Variants in GRIK4 observed in about 807,000 individuals in gnomAD.
The protein encoded by GRIK4 is glutamate ionotropic receptor kainate type subunit 4, also known as glutamate receptor ionotropic, kainate 4.
In GRIK4, 40 loss-of-function variants were observed where a neutral mutation model predicts 104.9. The observed-to-expected ratio is 0.38, with a 90% CI of 0.30 to 0.50. The LOEUF is 0.50. Among genes scored for constraint, GRIK4 ranks in the 20% least tolerant of loss-of-function variants. GRIK4 has a pLI of 0.93. For synonymous variants in GRIK4, 485 were observed against 524.9 expected (o/e 0.92, Z 1.04); for missense variants, 1,047 against 1,308.1 (o/e 0.80, Z 3.08).
chr11:120,850,862 G>A (rs1233854924), intron 8 of GRIK4, among the ~76,000 whole-genome samples: 1 of 150,302 alleles, frequency 6.7e-6, no homozygotes, highest in Non-Finnish European at 1.5e-5. Flanking sequence ...TGTATTACAA[G>A]CACCATTAGG....
chr11:120,560,296 C>A (rs529209288), intron 1 of GRIK4, among the ~76,000 whole-genome samples: 1 of 152,162 alleles, frequency 6.6e-6, no homozygotes, highest in East Asian at 1.9e-4. Context: ...AGGTGATCCA[C>A]CTGCCTTGGC....
intron 13 of GRIK4, among the ~76,000 whole-genome samples, chr11:120,930,002 TGG>T (rs61317737): frequency 1.2e-4 from 18 of 150,388 alleles, no homozygotes; most frequent in African/African-American, 3.9e-4. Context: ...AGGCCACGTT[TGG>T]GGGGGGGGTC....
chr11:120,917,653 C>T (rs2134554676), intron 13 of GRIK4, among the ~76,000 whole-genome samples: 1 of 152,318 alleles, frequency 6.6e-6, no homozygotes. Flanking sequence ...TCAGAATTTT[C>T]CCCGCCCATC....
intron 1 of GRIK4, among the ~76,000 whole-genome samples, chr11:120,594,017 T>C (rs151282893): frequency 2.1e-4 from 32 of 152,350 alleles, no homozygotes; most frequent in African/African-American, 7.0e-4. Flanking sequence ...ATCTCTCCTC[T>C]GACCTAAGAC....
intron 1 of GRIK4, among the ~76,000 whole-genome samples, chr11:120,545,332 C>T (rs1049440219): frequency 1.3e-5 from 2 of 152,102 alleles, no homozygotes; most frequent in Non-Finnish European, 2.9e-5. Flanking sequence ...TCCTAAGATA[C>T]ATTTTTTTCT....
chr11:120,612,880 G>T (rs193107188), intron 1 of GRIK4, among the ~76,000 whole-genome samples: 1 of 152,188 alleles, frequency 6.6e-6, no homozygotes, highest in African/African-American at 2.4e-5. Context: ...CCTGAGCGGG[G>T]CAGGGAACAC....
chr11:120,519,880 G>A (rs2510874), intron 1 of GRIK4, among the ~76,000 whole-genome samples: 1 of 121,618 alleles, frequency 8.2e-6, no homozygotes, highest in African/African-American at 3.3e-5. Context: ...TTTTTTTTTT[G>A]TTTTTTTTTT....
intron 3 of GRIK4, among the ~76,000 whole-genome samples, chr11:120,668,325 AAGG>A (rs1490536012): frequency 6.6e-6 from 1 of 151,676 alleles, no homozygotes; most frequent in Non-Finnish European, 1.5e-5. Context: ...GAAAGGAAGG[AAGG>A]AAAGAAAGAA....
intron 3 of GRIK4, among the ~76,000 whole-genome samples, chr11:120,688,979 C>T (rs961590760): frequency 6.6e-6 from 1 of 152,126 alleles, no homozygotes; most frequent in Non-Finnish European, 1.5e-5. Flanking sequence ...CAAAGTCCTA[C>T]CCTTCAGGAC....
At chr11:120,797,757 C>G (rs1318500409) in intron 3 of GRIK4, among the ~76,000 whole-genome samples, 1 of 152,182 alleles carries the variant, frequency 6.6e-6, no homozygotes, top group Non-Finnish European at 1.5e-5. Context: ...AATGACCTGC[C>G]TAATAACTTT....
chr11:120,843,259 G>C (rs1473845926), intron 8 of GRIK4, among the ~76,000 whole-genome samples: 1 of 152,264 alleles, frequency 6.6e-6, no homozygotes, highest in Non-Finnish European at 1.5e-5. Flanking sequence ...AGAGCTCCCT[G>C]CTCTCGGCAC....
At chr11:120,863,890 C>T (rs1954324982) in intron 9 of GRIK4, among the ~76,000 whole-genome samples, 1 of 152,180 alleles carries the variant, frequency 6.6e-6, no homozygotes, top group South Asian at 2.1e-4. Context: ...GAGGTCAGAG[C>T]TCATGGAAAA....
chr11:120,573,703 A>T (rs951110822), intron 1 of GRIK4, among the ~76,000 whole-genome samples: 1 of 152,198 alleles, frequency 6.6e-6, no homozygotes, highest in African/African-American at 2.4e-5. Flanking sequence ...CTGGACTGGG[A>T]GTCAGCAGGT....
Position 120,967,195 on chromosome 11 carries a change from G to A in GRIK4, c.2267G>A (p.Gly756Asp), listed in dbSNP as rs779305109. Residue 756 changes from glycine to aspartate, a missense_variant and splice_region_variant, in exon 19 of 21, where the codon GGC (glycine) becomes GAC (aspartate). By Grantham distance (94) the Gly-to-Asp change is moderately conservative (BLOSUM62 -1). Transcript: ENST00000527524. The surrounding 1 kb of genome is among the most constrained non-coding windows in gnomAD (Gnocchi z 4.2). ...CTGGGCTCTCCCGTAACCCCCGCAG[G>A]CTCGGTTTTCCGGGACGAGTTTGAT... ...TKGYGIGMPVGSVFRDEFDLA... is the reference protein window; with the variant it reads ...TKGYGIGMPVDSVFRDEFDLA... 1 of 1,612,714 alleles carries A rather than the reference G, an allele frequency of 6.2e-7. No homozygotes were observed.
chr11:120,762,299 A>T (rs1012788559), intron 3 of GRIK4, among the ~76,000 whole-genome samples: 203 of 152,278 alleles, frequency 1.3e-3, no homozygotes, highest in Non-Finnish European at 2.0e-3. Context: ...TTTGTATCCT[A>T]AGACTTTGCT....
At chr11:120,897,397 G>A (rs1190651238) in intron 11 of GRIK4, among the ~76,000 whole-genome samples, 2 of 151,410 alleles carry the variant, frequency 1.3e-5, no homozygotes, top group Non-Finnish European at 2.9e-5. Context: ...CACTTTGGGA[G>A]GCCGAGGTGG....
At chr11:120,643,758 G>A (rs534942613) in intron 1 of GRIK4, among the ~76,000 whole-genome samples, 1 of 152,278 alleles carries the variant, frequency 6.6e-6, no homozygotes, top group Admixed American at 6.5e-5. Flanking sequence ...AGGATTTGAC[G>A]AAGTGACCGT....
intron 12 of GRIK4, among the ~76,000 whole-genome samples, chr11:120,901,600 G>A (rs1942740131): frequency 6.6e-6 from 1 of 152,182 alleles, no homozygotes; most frequent in Admixed American, 6.5e-5. Context: ...AGGTAGAGGG[G>A]CTGACACAAA....
chr11:120,648,698 G>C (rs534947465), intron 1 of GRIK4, among the ~76,000 whole-genome samples: 16 of 152,318 alleles, frequency 1.1e-4, no homozygotes, highest in South Asian at 8.3e-4. Flanking sequence ...TCTGCAGAGG[G>C]GGGATGCGGG....
Sources: allele counts gnomAD v4.1 joint callset (sites outside exome capture counted in the v4.1 genomes callset), GRCh38; gene constraint gnomAD v4.1.1; non-coding constraint Gnocchi (gnomAD v3.1); transcripts MANE v1.5; gene names NCBI Gene and HGNC (gene_info 2026-07-23, HGNC 2026-07-21).